Variants in GRIK3 observed in about 807,000 individuals in gnomAD.
GRIK3 encodes the protein glutamate ionotropic receptor kainate type subunit 3, also known as glutamate receptor ionotropic, kainate 3.
A neutral mutation model predicts 102.5 loss-of-function variants in GRIK3; 29 were observed. That is an observed-to-expected ratio of 0.28 (90% CI 0.21 to 0.39). The LOEUF (loss-of-function observed/expected upper bound fraction) is 0.39. Among genes scored for constraint, GRIK3 ranks in the 10% least tolerant of loss-of-function variants. The pLI is 1.00. For synonymous variants in GRIK3, 511 were observed against 504.9 expected (o/e 1.01, Z -0.16); for missense variants, 908 against 1,252.4 (o/e 0.73, Z 4.15).
At chr1:36,893,626 T>C (rs757951759) in intron 1 of GRIK3, among the ~76,000 whole-genome samples, 5 of 152,182 alleles carry the variant, frequency 3.3e-5, no homozygotes, top group Non-Finnish European at 7.3e-5. Flanking sequence ...CCTGTTGAGA[T>C]GGACATTAGA....
chr1:36,929,993 C>T (rs914854086), intron 1 of GRIK3, among the ~76,000 whole-genome samples: 1 of 152,198 alleles, frequency 6.6e-6, no homozygotes, highest in African/African-American at 2.4e-5. Flanking sequence ...CCATTCCTGA[C>T]AGTCCATAGA....
At chr1:36,861,150 C>T (rs1316578133) in intron 5 of GRIK3, among the ~76,000 whole-genome samples, 2 of 152,208 alleles carry the variant, frequency 1.3e-5, no homozygotes, top group Admixed American at 6.5e-5. Flanking sequence ...CTCAAATGCT[C>T]CTTGAGTCAG....
chr1:36,925,398 C>G (rs1029360006), intron 1 of GRIK3, among the ~76,000 whole-genome samples: 1 of 152,256 alleles, frequency 6.6e-6, no homozygotes, highest in Non-Finnish European at 1.5e-5. Context: ...TGAGCCAGTT[C>G]GTGCCCTCGG....
intron 5 of GRIK3, among the ~76,000 whole-genome samples, chr1:36,864,466 G>A (rs1640760972): frequency 6.6e-6 from 1 of 152,228 alleles, no homozygotes. Flanking sequence ...CTTGAAAGAT[G>A]CCAAAGCTTT....
intron 1 of GRIK3, among the ~76,000 whole-genome samples, chr1:36,966,750 T>C (rs957491019): frequency 2.6e-5 from 4 of 151,308 alleles, no homozygotes; most frequent in Admixed American, 6.6e-5. Flanking sequence ...AGAACCCTCT[T>C]CCAGGATACA....
chr1:36,918,664 C>G (rs946886949), intron 1 of GRIK3, among the ~76,000 whole-genome samples: 2 of 152,176 alleles, frequency 1.3e-5, no homozygotes, highest in African/African-American at 4.8e-5. Context: ...GTGTCCTCCC[C>G]CAGACAATGC....
intron 1 of GRIK3, among the ~76,000 whole-genome samples, chr1:36,895,729 T>A (rs1641164668): frequency 6.6e-6 from 1 of 151,974 alleles, no homozygotes; most frequent in East Asian, 1.9e-4. Context: ...ATGACTTTCC[T>A]CAAATTAATG....
At chr1:36,949,420 A>C (rs756657264) in intron 1 of GRIK3, among the ~76,000 whole-genome samples, 10 of 152,166 alleles carry the variant, frequency 6.6e-5, no homozygotes, top group Admixed American at 1.3e-4. Flanking sequence ...CAGCTCACAG[A>C]GGGCTTTCAA....
chr1:36,929,078 G>A (rs575149320), intron 1 of GRIK3, among the ~76,000 whole-genome samples: 1 of 152,246 alleles, frequency 6.6e-6, no homozygotes, highest in South Asian at 2.1e-4. Flanking sequence ...TTACAGATGA[G>A]GAAACTGAGT....
chr1:36,912,437 C>G (rs570913876), intron 1 of GRIK3, among the ~76,000 whole-genome samples: 1 of 152,076 alleles, frequency 6.6e-6, no homozygotes, highest in African/African-American at 2.4e-5. Flanking sequence ...CTCCTCCCCC[C>G]TCTGCTGCCC....
At chr1:36,976,127 G>T (rs1642193865) in intron 1 of GRIK3, among the ~76,000 whole-genome samples, 1 of 152,146 alleles carries the variant, frequency 6.6e-6, no homozygotes, top group Non-Finnish European at 1.5e-5. Flanking sequence ...ATGGACACAT[G>T]GGAGGGTGTG....
intron 1 of GRIK3, among the ~76,000 whole-genome samples, chr1:36,930,157 T>C (rs1036618635): frequency 2.0e-5 from 3 of 152,176 alleles, no homozygotes; most frequent in Admixed American, 2.0e-4. Context: ...CCTAATACAA[T>C]GTGGAAGAGG....
intron 1 of GRIK3, among the ~76,000 whole-genome samples, chr1:36,977,558 G>A (rs187058646): frequency 6.6e-6 from 1 of 152,320 alleles, no homozygotes; most frequent in Admixed American, 6.5e-5. Flanking sequence ...AAAATTAAGA[G>A]AATAAAGCCA....
chr1:36,825,580 G>A lies in GRIK3; in HGVS notation c.1754+23C>T, dbSNP rs757661737. On this transcript the variant is annotated intron_variant, in intron 11 of 15. Coordinates refer to ENST00000373091, the MANE Select transcript of GRIK3 (RefSeq NM_000831.4). ...CTAGACCTTCAACCTTGGGCCCGAT[G>A]TCTGGCCAAGGAATTGCCTTACCTG... 14 of 1,511,244 alleles carry A rather than the reference G, an allele frequency of 9.3e-6. No homozygotes were observed. The East Asian group carries it at 3.0e-4, about 32-fold the overall frequency. 93.6% of individuals were successfully genotyped at this position (1,511,244 alleles called of 1,614,324 possible).
intron 1 of GRIK3, among the ~76,000 whole-genome samples, chr1:36,952,999 C>A (rs1345749251): frequency 6.6e-6 from 1 of 152,182 alleles, no homozygotes; most frequent in Non-Finnish European, 1.5e-5. Context: ...GCTGTGTCCT[C>A]CGAAGGGCTC....
chr1:36,806,170 T>A lies in GRIK3; in HGVS notation c.2248A>T (p.Asn750Tyr). The A allele has an allele frequency of 1.2e-6, 2 of 1,613,998 alleles. No homozygotes were observed. The highest frequency in any genetic ancestry group is 1.7e-6 in the Non-Finnish European group (2 of 1,179,996). The change falls in exon 14 of 16, where the codon AAC (asparagine) becomes TAC (tyrosine). Residue 750 changes from asparagine to tyrosine, a missense_variant. Around this residue, in one of 3 missense-constraint regions of GRIK3, gnomAD observed 297 missense variants for 362.7 expected, o/e 0.82. Transcript: ENST00000373091. This position sits in a 1 kb window ranked among gnomAD's most constrained non-coding sequence, Gnocchi z 4.0. ...CCCCCGATCTGGGTGAGGTTGCAGT[T>A]CCTCTGCGTGACGTACTCGATGGTG... is the stretch of plus-strand genomic sequence containing the variant. ...STTIEYVTQR[N>Y]CNLTQIGGLI...
chr1:36,864,503 AT>A (rs1330112794), intron 5 of GRIK3, among the ~76,000 whole-genome samples: 4 of 149,894 alleles, frequency 2.7e-5, no homozygotes, highest in Non-Finnish European at 1.5e-5. Flanking sequence ...CCATGACTCG[AT>A]TTACCCTCAT....
chr1:36,808,167 T>C (rs1642521291), intron 13 of GRIK3, among the ~76,000 whole-genome samples: 1 of 152,224 alleles, frequency 6.6e-6, no homozygotes, highest in Admixed American at 6.5e-5. Flanking sequence ...CCCCAATGTT[T>C]CTTATTTTCT....
intron 1 of GRIK3, among the ~76,000 whole-genome samples, chr1:36,999,994 CT>C (rs949246755): frequency 1.3e-5 from 2 of 152,090 alleles, no homozygotes; most frequent in Non-Finnish European, 2.9e-5. Flanking sequence ...GAGACTCCGT[CT>C]CAGAAAAAAA....
Sources: gnomAD v4.1 joint callset for allele counts (sites outside exome capture counted in the v4.1 genomes callset) on GRCh38, gnomAD v4.1.1 for gene constraint, gnomAD v4.1.1 regional missense constraint, Gnocchi (gnomAD v3.1) non-coding constraint, MANE v1.5 for transcripts, NCBI Gene and HGNC (gene_info 2026-07-23, HGNC 2026-07-21) for gene names.